Variants in SYBU observed in about 807,000 individuals in gnomAD.
SYBU encodes syntabulin.
A neutral mutation model predicts 35.9 loss-of-function variants in SYBU; 21 were observed. The ratio of observed to expected loss-of-function variants is 0.58; its 90% confidence interval spans 0.41 to 0.84. SYBU has a LOEUF of 0.84. SYBU is among the 40% of genes least tolerant of loss of function. SYBU has a pLI of 0.00. For missense variants in SYBU, 768 were observed against 848.2 expected (o/e 0.91, Z 1.17); for synonymous variants, 319 against 324.3 (o/e 0.98, Z 0.18).
intron 1 of SYBU, among the ~76,000 whole-genome samples, chr8:109,671,200 T>C (rs1175422095): frequency 6.6e-6 from 1 of 152,204 alleles, no homozygotes; most frequent in Non-Finnish European, 1.5e-5. Context: ...TCAAAATCAT[T>C]AAATTCAAGA....
intron 3 of SYBU, among the ~76,000 whole-genome samples, chr8:109,615,949 C>A (rs1399587242): frequency 6.6e-6 from 1 of 150,926 alleles, no homozygotes; most frequent in African/African-American, 2.4e-5. Flanking sequence ...TCCTTCCTTC[C>A]TTCCATCCTT....
intron 1 of SYBU, among the ~76,000 whole-genome samples, chr8:109,679,988 T>A (rs1256511007): frequency 6.6e-6 from 1 of 151,950 alleles, no homozygotes; most frequent in Non-Finnish European, 1.5e-5. Context: ...AGTTTAGCAA[T>A]AAATAATACA....
At chr8:109,642,996 G>A (rs768697272) in intron 1 of SYBU, 64 bp from the exon 2 acceptor site, 51 of 1,452,964 alleles carry the variant, frequency 3.5e-5, no homozygotes, top group African/African-American at 1.4e-5. Flanking sequence ...AACTCCTGTC[G>A]GTTCCTTCAA....
chr8:109,595,812 T>C (rs1241227263), intron 3 of SYBU, among the ~76,000 whole-genome samples: 1 of 152,182 alleles, frequency 6.6e-6, no homozygotes, highest in Non-Finnish European at 1.5e-5. Flanking sequence ...GGCAGGCGAA[T>C]TTAAAACCTT....
Position 109,584,287 on chromosome 8 carries a change from A to G in SYBU, c.530+1773T>C, listed in dbSNP as rs1823375574. Reference sequence around the variant, plus strand: ...TATATTTGGCTATTTTATGTTTAATATGTCAAATTTTGACCATGAATTCTA... The same window carrying G: ...TATATTTGGCTATTTTATGTTTAATGTGTCAAATTTTGACCATGAATTCTA... On this transcript the variant is annotated intron_variant, in intron 4 of 6. Transcript: ENST00000276646. This position sits in a 1 kb window ranked among gnomAD's most constrained non-coding sequence, Gnocchi z 4.0. Among the ~76,000 whole-genome samples, 1 of 152,200 alleles carries G rather than the reference A, an allele frequency of 6.6e-6. No homozygotes were observed. Among genetic ancestry groups the G allele is most frequent in the Admixed American group, 6.6e-5 (1 of 15,266 alleles).
intron 2 of SYBU, among the ~76,000 whole-genome samples, chr8:109,627,031 C>T (rs1311204474): frequency 6.7e-6 from 1 of 150,120 alleles, no homozygotes; most frequent in African/African-American, 2.5e-5. Context: ...AAATGTTGAA[C>T]TAAACAATTC....
At chr8:109,645,602 G>A, upstream of SYBU, 2 of 269,474 alleles carry the variant, frequency 7.4e-6, no homozygotes, top group South Asian at 7.7e-5. Flanking sequence ...GTGCCTTTAT[G>A]CCTAAAGTTT....
At chr8:109,671,046 G>A (rs974756143) in intron 1 of SYBU, among the ~76,000 whole-genome samples, 27 of 152,112 alleles carry the variant, frequency 1.8e-4, no homozygotes, top group African/African-American at 5.8e-4. Context: ...TCTTCTAGAT[G>A]AAGTTACTTG....
upstream of SYBU, among the ~76,000 whole-genome samples, chr8:109,681,642 A>G (rs1287330737): frequency 6.6e-6 from 1 of 152,212 alleles, no homozygotes; most frequent in East Asian, 1.9e-4. Context: ...TAATTCAATA[A>G]CTGGGAAAAA....
At chr8:109,612,977 T>TAA (rs752877654) in intron 3 of SYBU, among the ~76,000 whole-genome samples, 5 of 79,792 alleles carry the variant, frequency 6.3e-5, no homozygotes, top group East Asian at 3.7e-4. Context: ...AAGACTCTGT[T>TAA]AAAAAAAAAA....
chr8:109,596,614 C>A (rs6989019), intron 3 of SYBU, among the ~76,000 whole-genome samples: 39,709 of 152,122 alleles, frequency 0.26, 7,373 homozygotes, highest in African/African-American at 0.51. Flanking sequence ...GATGTATATA[C>A]AATCTTTTGG....
In SYBU at chr8:109,577,937, T is replaced by G; in HGVS notation, c.815A>C (p.Gln272Pro). The G allele has an allele frequency of 1.2e-6, 2 of 1,614,034 alleles. No homozygotes were observed. The highest frequency in any genetic ancestry group is 1.7e-6 in the Non-Finnish European group (2 of 1,179,944). The change falls in exon 6 of 7, where the codon CAG (glutamine) becomes CCG (proline). Residue 272 changes from glutamine (Q) to proline (P), a missense_variant. By Grantham distance (76) the Gln-to-Pro change is moderately conservative (BLOSUM62 -1). Coordinates refer to ENST00000276646, the MANE Select transcript of SYBU (RefSeq NM_001099754.2). The stretch of plus-strand genomic sequence containing the variant: ...GTGTCTCACTGTCACCTCTTTCTGC[T>G]GCAGTGGAGTCAAATACTGCTCTGG... The part of the protein sequence containing the change: ...PNPEQYLTPL[Q>P]QKEVTVRHLK...
intron 1 of SYBU, among the ~76,000 whole-genome samples, chr8:109,689,094 G>A (rs1817585294): frequency 6.6e-6 from 1 of 151,996 alleles, no homozygotes; most frequent in Non-Finnish European, 1.5e-5. Context: ...TAGAAAAATG[G>A]CCAATGTTGG....
intron 2 of SYBU, 73 bp downstream of exon 2, chr8:109,642,655 G>C: frequency 9.7e-7 from 1 of 1,027,690 alleles, no homozygotes; most frequent in Non-Finnish European, 1.4e-6. Context: ...AAGGGACCCA[G>C]TATGGGCCCA....
chr8:109,679,696 G>C (rs1348199244), intron 1 of SYBU, among the ~76,000 whole-genome samples: 3 of 152,194 alleles, frequency 2.0e-5, no homozygotes, highest in Non-Finnish European at 4.4e-5. Flanking sequence ...AGATGACTCT[G>C]ACAGTAACAA....
In SYBU at chr8:109,579,787, A is replaced by G. The variant is rs754389407; in HGVS notation, c.734+12T>C. On this transcript the variant is annotated intron_variant, in intron 5 of 6. Transcript: ENST00000276646. ...CAAACTAAGATGCATGAATTAGGTG[A>G]GCAGGACTCACCTCATGATGGGGCT... 2 of 1,612,440 alleles carry G rather than the reference A, an allele frequency of 1.2e-6. No individual in the cohort carries two copies. Among genetic ancestry groups the G allele is most frequent in the Non-Finnish European group, 1.7e-6 (2 of 1,178,492 alleles).
intron 1 of SYBU, among the ~76,000 whole-genome samples, chr8:109,690,064 G>A (rs1817611430): frequency 1.3e-5 from 2 of 152,020 alleles, no homozygotes; most frequent in Admixed American, 6.6e-5. Context: ...CAAATAAAGT[G>A]AATAAAATAT....
rs75305240 is a variant in SYBU at position 109,589,249 on chromosome 8, AACCC to A, written c.428-3091_428-3088del. On this transcript the variant is annotated intron_variant, in intron 3 of 6. Transcript: ENST00000276646. ...CAGCCTGGATTCAAAGCCTGCTCCT[AACCC>A]ATATTAGGTGGAAAGTTTTAGCCAA... is the stretch of plus-strand genomic sequence containing the variant. 5.7e-3 allele frequency among the ~76,000 whole-genome samples: 875 copies of A among 152,312 alleles called. 45 individuals are homozygous for A. The East Asian group carries it at 0.14, about 24-fold the overall frequency.
chr8:109,576,116 C>G, intron 6 of SYBU, 103 bp from the exon 7 acceptor site: 1 of 1,344,610 alleles, frequency 7.4e-7, no homozygotes, highest in Non-Finnish European at 9.8e-7. Flanking sequence ...GGCACAGAGC[C>G]AAGAGCTCAT....
Sources: gnomAD v4.1 joint callset for allele counts (sites outside exome capture counted in the v4.1 genomes callset) on GRCh38, gnomAD v4.1.1 for gene constraint, Gnocchi (gnomAD v3.1) non-coding constraint, MANE v1.5 for transcripts, NCBI Gene and HGNC (gene_info 2026-07-23, HGNC 2026-07-21) for gene names.